Variants in TTN observed in about 807,000 individuals in gnomAD.
The protein encoded by TTN is titin, also known as connectin.
In TTN, 1,525 loss-of-function variants were observed where a neutral mutation model predicts 3,223.0. That is an observed-to-expected ratio of 0.47 (90% CI 0.45 to 0.49). The LOEUF (loss-of-function observed/expected upper bound fraction) is 0.49, where lower values mean the gene tolerates loss of function less well. TTN is among the 20% of genes least tolerant of loss of function. The pLI, the probability that TTN is intolerant of heterozygous loss-of-function variation, is 0.00. For synonymous variants in TTN, 14,094 were observed against 15,161.0 expected (o/e 0.93, Z 5.17); for missense variants, 40,786 against 43,424.0 (o/e 0.94, Z 5.40).
In TTN at chr2:178,532,659, T is replaced by C. The variant is rs762807450; in HGVS notation, c.103956A>G (p.Arg34652=). 6.2e-7 allele frequency: 1 copy of C among 1,613,836 alleles called. No homozygotes were observed. The highest frequency in any genetic ancestry group is 1.3e-5 in the African/African-American group (1 of 74,916). Residue 34652 remains arginine (R), a synonymous_variant, in exon 358 of 363, where the codon AGA becomes AGG. Coordinates refer to ENST00000589042, the MANE Select transcript of TTN (RefSeq NM_001267550.2). ...PDYDFYYRPR[R]RSLGDISDEE... ...CATCAGAGATGTCCCCAAGAGAACGTCTTCTAGGTCGGTAGTAAAAGTCAT... is the reference window on the plus strand; with the variant it reads ...CATCAGAGATGTCCCCAAGAGAACGCCTTCTAGGTCGGTAGTAAAAGTCAT...
At position 178,579,378 on chromosome 2, in the gene TTN, T is replaced by A; in HGVS notation, c.67652A>T (p.Asp22551Val). Reference sequence around the variant, plus strand: ...GCACAAATCAGGTAGACCCTTTAAGTCAAGATCAGGAGCCACTGTAAAATA... The same window carrying A: ...GCACAAATCAGGTAGACCCTTTAAGACAAGATCAGGAGCCACTGTAAAATA... ...ARDDVVAPDLDLKGLPDLCYL... is the reference protein window; with the variant it reads ...ARDDVVAPDLVLKGLPDLCYL... Residue 22551 changes from aspartate to valine, a missense_variant, in exon 320 of 363, where the codon GAC becomes GTC. Coordinates refer to ENST00000589042, the MANE Select transcript of TTN (RefSeq NM_001267550.2). 6.4e-7 allele frequency: 1 copy of A among 1,573,722 alleles called. No individual in the cohort carries two copies. The highest frequency in any genetic ancestry group is 8.6e-7 in the Non-Finnish European group (1 of 1,165,304).
chr2:178,647,650 G>A (rs946326456), intron 213 of TTN, among the ~76,000 whole-genome samples, 186 bp from the exon 214 acceptor site: 5 of 152,118 alleles, frequency 3.3e-5, no homozygotes, highest in African/African-American at 1.2e-4. Context: ...TTCTTCATTT[G>A]CTTCTAGTCC....
In TTN at chr2:178,634,144, C is replaced by A; in HGVS notation, c.42416-61G>T. The A allele has an allele frequency of 6.3e-7, 1 of 1,590,508 alleles. No individual in the cohort carries two copies. Among genetic ancestry groups the A allele is most frequent in the African/African-American group, 1.4e-5 (1 of 73,802 alleles). On this transcript the variant is annotated intron_variant, in intron 230 of 362. Transcript: ENST00000589042. The surrounding 1 kb of genome is among the most constrained non-coding windows in gnomAD (Gnocchi z 4.6). ...AATTCACCTTCAGAAAGATTCCATTCTAATCTGCCTGAGTAAAAGGGACCC... is the reference window on the plus strand; with the variant it reads ...AATTCACCTTCAGAAAGATTCCATTATAATCTGCCTGAGTAAAAGGGACCC...
rs193234918 is a variant in TTN at position 178,747,931 on chromosome 2, A to T, written c.11311+5193T>A. 2.3e-5 allele frequency: 37 copies of T among 1,613,050 alleles called. No homozygotes were observed. In the African/African-American group the frequency reaches 4.4e-4, roughly 19 times the overall value. On this transcript the variant is annotated intron_variant, in intron 47 of 362. Coordinates refer to ENST00000589042, the MANE Select transcript of TTN (RefSeq NM_001267550.2). ...AGCACTGACTCAGGGAGAGCTGTCT[A>T]TGGAGTGTGTCAGCTTCCTGAACAT...
chr2:178,736,024 C>T lies in TTN; in HGVS notation c.14422G>A (p.Val4808Met). The T allele has an allele frequency of 6.2e-7, 1 of 1,611,084 alleles. No homozygotes were observed. The highest frequency in any genetic ancestry group is 8.5e-7 in the Non-Finnish European group (1 of 1,178,300). ...CAGATGAACTTGGCTGCCTTACCCA[C>T]AAAAGTTGTAAGGGACTTAGGTCTG... ...LSRPKSLTTF[V>M]GKAAKFICTV... Residue 4808 changes from valine to methionine, a missense_variant, in exon 50 of 363, where the codon GTG becomes ATG. Transcript: ENST00000589042.
At chr2:178,694,271 C>A (rs1025459514) in intron 117 of TTN, among the ~76,000 whole-genome samples, 1 of 152,082 alleles carries the variant, frequency 6.6e-6, no homozygotes, top group Non-Finnish European at 1.5e-5. Context: ...TTTTCCAAAT[C>A]TGTTAGGGTC....
In TTN at chr2:178,559,644, C is replaced by T; in HGVS notation, c.86488G>A (p.Val28830Ile). Residue 28830 changes from valine to isoleucine, a missense_variant, in exon 326 of 363, where the codon GTT becomes ATT. Val to Ile is a conservative substitution (Grantham distance 29, BLOSUM62 3). Coordinates refer to ENST00000589042, the MANE Select transcript of TTN (RefSeq NM_001267550.2). ...AAGGTCAGTGAAGCAGCACTCAAAACATTCTGAATTGTTAATGTGTACTTT... is the reference window on the plus strand; with the variant it reads ...AAGGTCAGTGAAGCAGCACTCAAAATATTCTGAATTGTTAATGTGTACTTT... The part of the protein sequence containing the change: ...SGKYTLTIQN[V>I]LSAASLTLVV... 1 of 1,613,676 alleles carries T rather than the reference C, an allele frequency of 6.2e-7. No homozygotes were observed. The highest frequency in any genetic ancestry group is 8.5e-7 in the Non-Finnish European group (1 of 1,179,728).
Position 178,532,590 on chromosome 2 carries a change from TC to T in TTN, c.104024del (p.Arg34675LysfsTer15), listed in dbSNP as rs1559014636. 1 of 1,613,948 alleles carries T rather than the reference TC, an allele frequency of 6.2e-7. No individual in the cohort carries two copies. On this transcript the variant is annotated frameshift_variant, in exon 358 of 363. Coordinates refer to ENST00000589042, the MANE Select transcript of TTN (RefSeq NM_001267550.2). LOFTEE classifies it high-confidence loss of function. ...LPIDDYLAMK[R>X]TEEERLRLEE... Reference sequence around the variant, plus strand: ...CAAGACGCAGCCTCTCTTCCTCTGTTCTTTTCATTGCTAAGTAGTCATCAAT... The same window carrying T: ...CAAGACGCAGCCTCTCTTCCTCTGTTTTTTCATTGCTAAGTAGTCATCAAT...
chr2:178,610,219 T>C lies in TTN; in HGVS notation c.51307A>G (p.Lys17103Glu), dbSNP rs769721025. The C allele has an allele frequency of 1.2e-6, 2 of 1,613,020 alleles. No individual in the cohort carries two copies. The highest frequency in any genetic ancestry group is 1.7e-6 in the Non-Finnish European group (2 of 1,179,292). The stretch of plus-strand genomic sequence containing the variant: ...AGATCCTTCACAGTCCATGACAGTT[T>C]GTTCTCACCAGACATGACTGGTATA... ...TYIPVMSGEN[K>E]LSWTVKDLIP... Residue 17103 changes from lysine (K) to glutamate (E), a missense_variant, in exon 271 of 363, where the codon AAA becomes GAA. Transcript: ENST00000589042.
chr2:178,773,213 C>T lies in TTN; in HGVS notation c.7751G>A (p.Gly2584Glu). The T allele has an allele frequency of 6.2e-7, 1 of 1,613,644 alleles. No individual in the cohort carries two copies. Among genetic ancestry groups the T allele is most frequent in the Admixed American group, 1.7e-5 (1 of 59,954 alleles). ...TAGAACTGTCAATTTATATATTTTTCCATGTGCTTCAATTTTATATTTAGA... is the reference window on the plus strand; with the variant it reads ...TAGAACTGTCAATTTATATATTTTTTCATGTGCTTCAATTTTATATTTAGA... ...PSSKYKIEAH[G>E]KIYKLTVLNM... is the part of the protein sequence containing the mutation. Residue 2584 changes from glycine to glutamate, a missense_variant, in exon 33 of 363, where the codon GGA becomes GAA. Coordinates refer to ENST00000589042, the MANE Select transcript of TTN (RefSeq NM_001267550.2).
At chr2:178,694,487 T>C in intron 117 of TTN, 112 bp downstream of exon 117, 2 of 623,724 alleles carry the variant, frequency 3.2e-6, no homozygotes, top group Admixed American at 3.4e-5. Flanking sequence ...TGTAAAAATG[T>C]GCTGTTTTTG....
intron 126 of TTN, among the ~76,000 whole-genome samples, 162 bp from the exon 127 acceptor site, chr2:178,688,386 GC>G (rs1354037319): frequency 1.3e-5 from 2 of 152,152 alleles, no homozygotes; most frequent in African/African-American, 2.4e-5. Context: ...TAAGATGAGG[GC>G]AAGTACAGCC....
rs759611506 is a variant in TTN, at chr2:178,574,551, A to G, written c.71581T>C (p.Tyr23861His). 15 of 1,613,454 alleles carry G rather than the reference A, an allele frequency of 9.3e-6. No homozygotes were observed. The African/African-American group carries it at 1.7e-4, about 19-fold the overall frequency. Reference sequence around the variant, plus strand: ...TTTCGTTCTTTTCTTTCAACATGATATCCTAAAATGGGGCTTCCACCATCA... The same window carrying G: ...TTTCGTTCTTTTCTTTCAACATGATGTCCTAAAATGGGGCTTCCACCATCA... ...LSDGGSPILGYHVERKERNGI... is the reference protein window; with the variant it reads ...LSDGGSPILGHHVERKERNGI... The change falls in exon 326 of 363, where the codon TAT (tyrosine) becomes CAT (histidine). Residue 23861 changes from tyrosine to histidine, a missense_variant. Coordinates refer to ENST00000589042, the MANE Select transcript of TTN (RefSeq NM_001267550.2).
At chr2:178,646,425 C>A (rs1232342760) in intron 216 of TTN, 60 bp downstream of exon 216, 8 of 1,167,670 alleles carry the variant, frequency 6.9e-6, no homozygotes, top group African/African-American at 1.5e-5. Context: ...CAACATAAAC[C>A]ATATACATTT....
At chr2:178,779,883 T>C in intron 22 of TTN, 117 bp downstream of exon 22, 1 of 993,550 alleles carries the variant, frequency 1.0e-6, no homozygotes, top group Non-Finnish European at 1.5e-6. Context: ...ACAGTGAACT[T>C]GGACCTTCTA....
chr2:178,583,753 G>A lies in TTN; in HGVS notation c.65429C>T (p.Ala21810Val), dbSNP rs2048304433. 1.2e-6 allele frequency: 2 copies of A among 1,611,762 alleles called. No individual in the cohort carries two copies. Among genetic ancestry groups the A allele is most frequent in the African/African-American group, 1.3e-5 (1 of 74,872 alleles). Residue 21810 changes from alanine (A) to valine (V), a missense_variant, in exon 312 of 363, where the codon GCA becomes GTA. By Grantham distance (64) the Ala-to-Val change is moderately conservative. Transcript: ENST00000589042. ...PGDKWVRCNT[A>V]PHQIPQEEYT... ...CTCTTCCTGGGGAATCTGGTGAGGT[G>A]CAGTATTGCACCGTACCCATTTATC...
At chr2:178,604,950 T>C (rs945343946) in intron 280 of TTN, 37 bp downstream of exon 280, 4 of 1,593,162 alleles carry the variant, frequency 2.5e-6, no homozygotes, top group Admixed American at 1.7e-5. Flanking sequence ...AAACAGACAC[T>C]GGATGCCTTT....
In TTN at chr2:178,783,010, T is replaced by C. The variant is rs2092911302; in HGVS notation, c.2896A>G (p.Ile966Val). Residue 966 changes from isoleucine to valine, a missense_variant, in exon 18 of 363, where the codon ATC becomes GTC. Physicochemically the swap from Ile to Val is conservative, Grantham distance 29 (BLOSUM62 3). Coordinates refer to ENST00000589042, the MANE Select transcript of TTN (RefSeq NM_001267550.2). The part of the protein sequence containing the change: ...EGESVTLECH[I>V]SGYPSPTVTW... ...ACTGTCGGGGATGGGTATCCAGAGA[T>C]GTGGCACTCCAAGGTGACAGATTCA... 2 of 1,614,164 alleles carry C rather than the reference T, an allele frequency of 1.2e-6. No individual in the cohort carries two copies. The highest frequency in any genetic ancestry group is 1.7e-5 in the Admixed American group (1 of 60,024).
rs2069056995 is a variant in TTN, at chr2:178,680,292, A to G, written c.33380T>C (p.Val11127Ala). The G allele has an allele frequency of 3.2e-5, 51 of 1,612,038 alleles. No individual in the cohort carries two copies. Among genetic ancestry groups the G allele is most frequent in the Non-Finnish European group, 4.3e-5 (51 of 1,179,122 alleles). ...TGCTACTTCTTTTCTAGGGACAGGT[A>G]CTTTTTCTTCTGCGACAACCCTCTT... Reference protein sequence around the residue: ...KPKRVVAEEKVPVPRKEVAPP... With the variant: ...KPKRVVAEEKAPVPRKEVAPP... The change falls in exon 139 of 363, where the codon GTA becomes GCA. Residue 11127 changes from valine (V) to alanine (A), a missense_variant. Physicochemically the swap from Val to Ala is moderately conservative, Grantham distance 64. Coordinates refer to ENST00000589042, the MANE Select transcript of TTN (RefSeq NM_001267550.2).
Sources: allele counts gnomAD v4.1 joint callset (sites outside exome capture counted in the v4.1 genomes callset), GRCh38; gene constraint gnomAD v4.1.1; non-coding constraint Gnocchi (gnomAD v3.1); transcripts MANE v1.5; gene names NCBI Gene and HGNC (gene_info 2026-07-23, HGNC 2026-07-21).